The following HYOU1 variants were observed in gnomAD, a reference collection of about 807,000 sequenced individuals.
The protein encoded by HYOU1 is hypoxia up-regulated protein 1.
In HYOU1, 40 loss-of-function variants were observed where a neutral mutation model predicts 120.5. That is an observed-to-expected ratio of 0.33 (90% CI 0.26 to 0.43). The LOEUF (loss-of-function observed/expected upper bound fraction) is 0.43, where lower values mean the gene tolerates loss of function less well. HYOU1 is among the 20% of genes least tolerant of loss of function. HYOU1 has a pLI of 1.00. For missense variants in HYOU1, 1,085 were observed against 1,278.3 expected, an observed-to-expected ratio of 0.85 and a Z score of 2.31; for synonymous variants, 501 against 479.4, an observed-to-expected ratio of 1.05 and a Z score of -0.59.
At position 119,048,005 on chromosome 11, in the gene HYOU1, A is replaced by C. The variant is rs1944187393; in HGVS notation, c.2452T>G (p.Trp818Gly). The stretch of plus-strand genomic sequence containing the variant: ...TCGAGGGCAGACAGCCGTTCGGGCC[A>C]CTTCTTGCGCTCCTCTACCCGAAAA... ...LFFRVEERKK[W>G]PERLSALDNL... Residue 818 changes from tryptophan (W) to glycine (G), a missense_variant, in exon 21 of 26, where the codon TGG becomes GGG. Physicochemically the swap from Trp to Gly is radical, Grantham distance 184. Around this residue, in one of 4 missense-constraint regions of HYOU1, gnomAD observed 516 missense variants for 517.1 expected, o/e 1.00. Transcript: ENST00000617285. The surrounding 1 kb of genome is among the most constrained non-coding windows in gnomAD (Gnocchi z 4.7). 3.1e-6 allele frequency: 5 copies of C among 1,614,054 alleles called. No homozygotes were observed. In the East Asian group the frequency reaches 1.1e-4, roughly 36 times the overall value.
At position 119,049,233 on chromosome 11, in the gene HYOU1, C is replaced by T. The variant is rs200126359; in HGVS notation, c.1807-30G>A. 2.9e-4 allele frequency: 467 copies of T among 1,586,502 alleles called. 3 individuals carry two copies. In the African/African-American group the frequency reaches 5.2e-3, roughly 18 times the overall value. ...GAAACACCACAGGCGCCCCAGGGAA[C>T]GATCAGGAGCAGAGCCTCCAGGCAG... On this transcript the variant is annotated intron_variant, in intron 16 of 25. Coordinates refer to ENST00000617285, the MANE Select transcript of HYOU1 (RefSeq NM_006389.5).
At chr11:119,056,017 A>G (rs1396972813) in intron 2 of HYOU1, 53 bp downstream of exon 2, 1 of 1,515,666 alleles carries the variant, frequency 6.6e-7, no homozygotes, top group Non-Finnish European at 9.2e-7. Flanking sequence ...AATTCCCATC[A>G]TGCATCCTTC....
Position 119,051,816 on chromosome 11 carries a change from C to T in HYOU1, c.1338+3G>A, listed in dbSNP as rs2133588136. 4 of 1,614,102 alleles carry T rather than the reference C, an allele frequency of 2.5e-6. No individual in the cohort carries two copies. The highest frequency in any genetic ancestry group is 4.5e-5 in the East Asian group (2 of 44,874). ...TGTCACCTGCTCAGTCAGGCTCACTCACCAGGATGGGGTAGACCACTGCAT... is the reference window on the plus strand; with the variant it reads ...TGTCACCTGCTCAGTCAGGCTCACTTACCAGGATGGGGTAGACCACTGCAT... On this transcript the variant is annotated splice_donor_region_variant and intron_variant, in intron 12 of 25. Coordinates refer to ENST00000617285, the MANE Select transcript of HYOU1 (RefSeq NM_006389.5). This position sits in a 1 kb window ranked among gnomAD's most constrained non-coding sequence, Gnocchi z 4.2.
Position 119,056,691 on chromosome 11 carries a change from CT to C in HYOU1, c.-8+328del, listed in dbSNP as rs1158219028. The C allele has an allele frequency of 1.4e-5, 4 of 278,424 alleles. 1 individual carries two copies. The highest frequency in any genetic ancestry group is 2.9e-5 in the Non-Finnish European group (4 of 140,312). 17.2% of individuals were successfully genotyped at this position (278,424 alleles called of 1,614,324 possible). A position where few individuals can be genotyped will look rare whatever the true frequency, so the allele number is the denominator to read the frequency against. On this transcript the variant is annotated intron_variant, in intron 1 of 25. Coordinates refer to ENST00000617285, the MANE Select transcript of HYOU1 (RefSeq NM_006389.5). ...GCATCCCTGCGGGTTGTCCCGCCCC[CT>C]CCCCTTTCCCAGCTCACTCCCCGGC...
chr11:119,049,337 A>G (rs2133572139), intron 16 of HYOU1, 134 bp from the exon 17 acceptor site: 28 of 1,555,636 alleles, frequency 1.8e-5, no homozygotes, highest in Non-Finnish European at 2.4e-5. Flanking sequence ...GCCTGCTTGG[A>G]CTGTGGCAAT....
Position 119,049,128 on chromosome 11 carries a change from C to A in HYOU1, c.1882G>T (p.Ala628Ser). 2 of 1,613,776 alleles carry A rather than the reference C, an allele frequency of 1.2e-6. No homozygotes were observed. Among genetic ancestry groups the A allele is most frequent in the Non-Finnish European group, 1.7e-6 (2 of 1,179,822 alleles). ...EQVELKEEAE[A>S]PVEDGSQPPP... Reference sequence around the variant, plus strand: ...GGCTGAGAGCCATCCTCCACTGGGGCCTCAGCTTCCTCCTTGAGCTCCACC... The same window carrying A: ...GGCTGAGAGCCATCCTCCACTGGGGACTCAGCTTCCTCCTTGAGCTCCACC... The change falls in exon 17 of 26, where the codon GCC becomes TCC. Residue 628 changes from alanine (A) to serine (S), a missense_variant. Physicochemically the swap from Ala to Ser is moderately conservative, Grantham distance 99 (BLOSUM62 1). Around this residue, in one of 4 missense-constraint regions of HYOU1, gnomAD observed 516 missense variants for 517.1 expected, o/e 1.00. Coordinates refer to ENST00000617285, the MANE Select transcript of HYOU1 (RefSeq NM_006389.5).
chr11:119,048,368 G>A lies in HYOU1; in HGVS notation c.2256C>T (p.Asp752=). ...CCTGGTACTCGGGCTGGTACAGCTTGTCCTGGGGAGGGGGACATGTAAACA... is the reference window on the plus strand; with the variant it reads ...CCTGGTACTCGGGCTGGTACAGCTTATCCTGGGGAGGGGGACATGTAAACA... ...SLEAFIFETQ[D]KLYQPEYQEV... Residue 752 remains aspartate, a splice_region_variant and synonymous_variant, in exon 20 of 26, where the codon GAC becomes GAT. Transcript: ENST00000617285. This position sits in a 1 kb window ranked among gnomAD's most constrained non-coding sequence, Gnocchi z 4.7. 1 of 1,609,502 alleles carries A rather than the reference G, an allele frequency of 6.2e-7. No homozygotes were observed. Among genetic ancestry groups the A allele is most frequent in the Non-Finnish European group, 8.5e-7 (1 of 1,179,856 alleles).
chr11:119,056,914 C>G (rs1404441362), intron 1 of HYOU1, 106 bp downstream of exon 1: 2 of 154,258 alleles, frequency 1.3e-5, no homozygotes, highest in Non-Finnish European at 2.9e-5. Context: ...GCCGAGCGCC[C>G]GGCGTCCGCG....
chr11:119,045,601 C>G lies in HYOU1; in HGVS notation c.2992G>C (p.Glu998Gln). ...GAAAACAGAGGTGGGGGTTATAGTTCGTCGTTCTTCAAAGGCCGCTTCTGT... is the reference window on the plus strand; with the variant it reads ...GAAAACAGAGGTGGGGGTTATAGTTGGTCGTTCTTCAAAGGCCGCTTCTGT... ...TGQKRPLKND[E>Q]L Residue 998 changes from glutamate to glutamine, a missense_variant, in exon 26 of 26, where the codon GAA (glutamate) becomes CAA (glutamine). Physicochemically the swap from Glu to Gln is conservative, Grantham distance 29. Around this residue, in one of 4 missense-constraint regions of HYOU1, gnomAD observed 516 missense variants for 517.1 expected, o/e 1.00. Transcript: ENST00000617285. 1 of 1,613,974 alleles carries G rather than the reference C, an allele frequency of 6.2e-7. No homozygotes were observed. The highest frequency in any genetic ancestry group is 8.5e-7 in the Non-Finnish European group (1 of 1,179,884).
At position 119,055,248 on chromosome 11, in the gene HYOU1, C is replaced by T. The variant is rs2133611511; in HGVS notation, c.356G>A (p.Arg119His). The T allele has an allele frequency of 1.5e-5, 25 of 1,614,036 alleles. No individual in the cohort carries two copies. Among genetic ancestry groups the T allele is most frequent in the South Asian group, 3.3e-5 (3 of 91,090 alleles). The change falls in exon 5 of 26, where the codon CGC becomes CAC. Residue 119 changes from arginine to histidine, a missense_variant. Transcript: ENST00000617285. The surrounding 1 kb of genome is among the most constrained non-coding windows in gnomAD (Gnocchi z 4.0). ...DNPHVALYQA[R>H]FPEHELTFDP... ...GAAAGTCAGCTCGTGCTCCGGGAAG[C>T]GGGCCTGGTAAAGAGCTACATGGGG...
chr11:119,049,454 A>G (rs2133573076), intron 16 of HYOU1, 102 bp downstream of exon 16: 24 of 1,558,706 alleles, frequency 1.5e-5, no homozygotes, highest in African/African-American at 8.1e-5. Flanking sequence ...AATGGTTAAC[A>G]CAACAGGGGC....
chr11:119,050,573 T>A (rs2133579431), intron 14 of HYOU1, among the ~76,000 whole-genome samples: 1 of 151,670 alleles, frequency 6.6e-6, no homozygotes, highest in African/African-American at 2.4e-5. Context: ...CAAAAAAATT[T>A]CGCAGGATAT....
Position 119,051,872 on chromosome 11 carries a change from C to A in HYOU1, c.1285G>T (p.Ala429Ser), listed in dbSNP as rs2133588416. 1.9e-6 allele frequency: 3 copies of A among 1,614,050 alleles called. No homozygotes were observed. The highest frequency in any genetic ancestry group is 2.7e-5 in the African/African-American group (2 of 74,910). ...AVYQAAALSK[A>S]FKVKPFVVRD... Reference sequence around the variant, plus strand: ...ACGACAAATGGCTTCACTTTAAAGGCTTTGCTGAGCGCAGCTGCCTGGTAC... The same window carrying A: ...ACGACAAATGGCTTCACTTTAAAGGATTTGCTGAGCGCAGCTGCCTGGTAC... Residue 429 changes from alanine (A) to serine (S), a missense_variant, in exon 12 of 26, where the codon GCC (alanine) becomes TCC (serine). Around this residue, in one of 4 missense-constraint regions of HYOU1, gnomAD observed 515 missense variants for 677.8 expected, o/e 0.76. Coordinates refer to ENST00000617285, the MANE Select transcript of HYOU1 (RefSeq NM_006389.5). The surrounding 1 kb of genome is among the most constrained non-coding windows in gnomAD (Gnocchi z 4.2).
intron 2 of HYOU1, 68 bp downstream of exon 2, chr11:119,056,002 A>G: frequency 2.7e-6 from 4 of 1,482,050 alleles, no homozygotes; most frequent in East Asian, 2.3e-5. Context: ...AACAGCCCCA[A>G]GCTCAATTCC....
chr11:119,049,672 C>A, intron 15 of HYOU1, 37 bp from the exon 16 acceptor site: 2 of 1,609,874 alleles, frequency 1.2e-6, no homozygotes, highest in Non-Finnish European at 1.7e-6. Context: ...AAAAGGAGAC[C>A]ACAGCAGTGA....
At chr11:119,053,015 G>C in intron 8 of HYOU1, 186 bp from the exon 9 acceptor site, 1 of 571,110 alleles carries the variant, frequency 1.8e-6, no homozygotes. Flanking sequence ...ACCTCGCAGT[G>C]ACCCTTCTTC....
chr11:119,047,053 G>A, intron 22 of HYOU1: 1 of 456,556 alleles, frequency 2.2e-6, no homozygotes, highest in Non-Finnish European at 3.9e-6. Context: ...CAAACCCCTT[G>A]AATAGTCCTT....
intron 22 of HYOU1, chr11:119,047,061 CTT>C (rs1044662743): frequency 2.0e-3 from 667 of 333,068 alleles, no homozygotes; most frequent in South Asian, 3.9e-3. Flanking sequence ...TTGAATAGTC[CTT>C]TTTTTTTTTT....
chr11:119,056,480 C>A, intron 1 of HYOU1: 1 of 450,070 alleles, frequency 2.2e-6, no homozygotes, highest in South Asian at 1.7e-5. Context: ...GTGAGTGGCG[C>A]ACCGCAGCAC....
Sources: allele counts gnomAD v4.1 joint callset (sites outside exome capture counted in the v4.1 genomes callset), GRCh38; gene constraint gnomAD v4.1.1; regional missense constraint gnomAD v4.1.1; non-coding constraint Gnocchi (gnomAD v3.1); transcripts MANE v1.5; gene names NCBI Gene and HGNC (gene_info 2026-07-23, HGNC 2026-07-21).